The following ECHDC2 variants were observed in gnomAD, a reference collection of about 807,000 sequenced individuals.
ECHDC2 encodes the protein enoyl-CoA hydratase domain containing 2.
ECHDC2 carries 34 observed loss-of-function variants against 40.6 expected under a neutral mutation model. The observed-to-expected ratio is 0.84, with a 90% CI of 0.64 to 1.11. The LOEUF (loss-of-function observed/expected upper bound fraction) is 1.11. ECHDC2 is among the 50% of genes most tolerant of loss of function. ECHDC2 has a pLI of 0.00. For synonymous variants in ECHDC2, 162 were observed against 166.6 expected (o/e 0.97, Z 0.21); for missense variants, 392 against 400.7 (o/e 0.98, Z 0.19).
chr1:52,921,645 G>A lies in ECHDC2; in HGVS notation c.29C>T (p.Pro10Leu), dbSNP rs1291613140. The A allele has an allele frequency of 4.4e-6, 7 of 1,583,596 alleles. No individual in the cohort carries two copies. Among genetic ancestry groups the A allele is most frequent in the Middle Eastern group, 1.7e-4 (1 of 5,730 alleles). Residue 10 changes from proline (P) to leucine (L), a missense_variant, in exon 1 of 10, where the codon CCC becomes CTC. By Grantham distance (98) the Pro-to-Leu change is moderately conservative. Transcript: ENST00000371522. ...GCCGCGGGCCCGAAGGGGCCTCCAG[G>A]GGCGCAGGAGGCACAGAACGCGCAG... The part of the protein sequence containing the change: MLRVLCLLR[P>L]WRPLRARGCA...
intron 7 of ECHDC2, among the ~76,000 whole-genome samples, chr1:52,902,558 G>A (rs1647053426): frequency 1.3e-5 from 2 of 152,150 alleles, no homozygotes; most frequent in South Asian, 4.1e-4. Flanking sequence ...CCAAAGTGCT[G>A]GGATTACAGG....
At chr1:52,898,108 G>T (rs1187757746) in intron 8 of ECHDC2, 4 of 161,816 alleles carry the variant, frequency 2.5e-5, no homozygotes, top group Admixed American at 5.7e-5. Context: ...TCCAACTGTA[G>T]AAAACAGTCT....
intron 5 of ECHDC2, 188 bp from the exon 6 acceptor site, chr1:52,905,278 C>T: frequency 3.3e-6 from 2 of 607,538 alleles, no homozygotes; most frequent in Non-Finnish European, 5.8e-6. Flanking sequence ...AGCCCAGGCC[C>T]TTATTTCACC....
intron 1 of ECHDC2, among the ~76,000 whole-genome samples, chr1:52,912,455 G>A (rs1386649295): frequency 1.3e-5 from 2 of 151,898 alleles, no homozygotes; most frequent in Admixed American, 1.3e-4. Context: ...CAATCTGCCC[G>A]CCTCGGCCTC....
intron 5 of ECHDC2, chr1:52,906,103 G>A: frequency 2.9e-6 from 1 of 350,200 alleles, no homozygotes. Flanking sequence ...AAATTTGGCT[G>A]GTGCCAGTAT....
At chr1:52,921,370 G>A (rs1476613106) in intron 1 of ECHDC2, 183 bp downstream of exon 1, 3 of 1,370,716 alleles carry the variant, frequency 2.2e-6, no homozygotes, top group Non-Finnish European at 2.8e-6. Context: ...CCCAGCTAGA[G>A]TCTGGAGCCA....
In ECHDC2 at chr1:52,911,991, G is replaced by T. The variant is rs558930054; in HGVS notation, c.122-201C>A. The T allele has an allele frequency of 1.1e-5, 15 of 1,427,046 alleles. No homozygotes were observed. In the South Asian group the frequency reaches 2.3e-4, roughly 22 times the overall value. 88.4% of individuals were successfully genotyped at this position (1,427,046 alleles called of 1,614,324 possible). A position where few individuals can be genotyped will look rare whatever the true frequency, so the allele number is the denominator to read the frequency against. ...GGAGAGAAAAACCCTTGCTCTTTCT[G>T]CCTCAGAGAGAAAGTGGAAGGACTT... On this transcript the variant is annotated intron_variant, in intron 1 of 9. Transcript: ENST00000371522.
chr1:52,898,814 C>T (rs116677349), intron 8 of ECHDC2: 4,921 of 375,198 alleles, frequency 0.013, 64 homozygotes, highest in Non-Finnish European at 0.018. Flanking sequence ...TCACCCCAAG[C>T]CCTGCCCTGA....
chr1:52,911,893 T>A, intron 1 of ECHDC2, 103 bp from the exon 2 acceptor site: 1 of 1,530,700 alleles, frequency 6.5e-7, no homozygotes, highest in South Asian at 1.2e-5. Flanking sequence ...GGGGAGCCTC[T>A]GCCCTAGATG....
chr1:52,897,384 C>T (rs759632832), intron 9 of ECHDC2, 53 bp downstream of exon 9: 10 of 1,591,912 alleles, frequency 6.3e-6, no homozygotes, highest in South Asian at 1.1e-5. Context: ...CAAAGTCCCT[C>T]TAGCCTGGCC....
At position 52,905,041 on chromosome 1, in the gene ECHDC2, C is replaced by G. The variant is rs778437438; in HGVS notation, c.507G>C (p.Pro169=). The G allele has an allele frequency of 2.1e-5, 34 of 1,614,048 alleles. No homozygotes were observed. In the South Asian group the frequency reaches 2.3e-4, roughly 11 times the overall value. Residue 169 remains proline, a synonymous_variant, in exon 6 of 10, where the codon CCG becomes CCC. Coordinates refer to ENST00000371522, the MANE Select transcript of ECHDC2 (RefSeq NM_001198961.2). ...GLIETTRGLL[P]GAGGTQRLPR... ...TGCTGTAGTTGCGATTACCTGCCCCCGGGAGGAGCCCTCGCGTGGTCTCAA... is the reference window on the plus strand; with the variant it reads ...TGCTGTAGTTGCGATTACCTGCCCCGGGGAGGAGCCCTCGCGTGGTCTCAA...
intron 1 of ECHDC2, chr1:52,920,742 G>GT: frequency 2.0e-6 from 1 of 490,274 alleles, no homozygotes; most frequent in Non-Finnish European, 3.6e-6. Context: ...ATAAACTTTT[G>GT]TTAAAAAAAA....
rs764403275 is a variant in ECHDC2 at position 52,906,561 on chromosome 1, C to T, written c.415G>A (p.Gly139Arg). The change falls in exon 5 of 10, where the codon GGA becomes AGA. Residue 139 changes from glycine (G) to arginine (R), a missense_variant. Gly to Arg is a moderately radical substitution (Grantham distance 125). Transcript: ENST00000371522. Reference sequence around the variant, plus strand: ...CAGGCCAGGGCAAGCTCTAGGCCTCCGCCCAAGGCAAACCCATCCATAGCC... The same window carrying T: ...CAGGCCAGGGCAAGCTCTAGGCCTCTGCCCAAGGCAAACCCATCCATAGCC... ...IAAMDGFALG[G>R]GLELALACDL... 13 of 1,612,498 alleles carry T rather than the reference C, an allele frequency of 8.1e-6. No individual in the cohort carries two copies. Among genetic ancestry groups the T allele is most frequent in the African/African-American group, 4.0e-5 (3 of 74,932 alleles).
At chr1:52,899,784 G>A (rs1196367194) in intron 7 of ECHDC2, 2 of 158,274 alleles carry the variant, frequency 1.3e-5, no homozygotes, top group Admixed American at 1.2e-4. Flanking sequence ...CGACAGGGCT[G>A]TGTTGAAATC....
At chr1:52,903,945 G>A (rs1647175085) in intron 7 of ECHDC2, among the ~76,000 whole-genome samples, 1 of 151,724 alleles carries the variant, frequency 6.6e-6, no homozygotes, top group Non-Finnish European at 1.5e-5. Context: ...AGCCTCCTGA[G>A]TAGCTGGGAT....
rs763569585 is a variant in ECHDC2, at chr1:52,904,716, AC to A, written c.631del (p.Val211TrpfsTer34). ...GGCGTCCCCCTCCTCGTTCTGGGCC[AC>A]AGCGTGATTCACCAGCCCCAGTACG... ...AHVLGLVNHA[V>X]AQNEEGDAAY... On this transcript the variant is annotated frameshift_variant, in exon 7 of 10. Coordinates refer to ENST00000371522, the MANE Select transcript of ECHDC2 (RefSeq NM_001198961.2). LOFTEE classifies it high-confidence loss of function. The A allele has an allele frequency of 9.3e-6, 15 of 1,612,734 alleles. No homozygotes were observed. The East Asian group carries it at 2.9e-4, about 31-fold the overall frequency.
chr1:52,898,247 G>A (rs1249571915), intron 8 of ECHDC2: 2 of 152,406 alleles, frequency 1.3e-5, no homozygotes, highest in Non-Finnish European at 2.9e-5. Flanking sequence ...TTGAGACGGA[G>A]TCTCGCTCTG....
chr1:52,901,577 G>C (rs1416132569), intron 7 of ECHDC2: 1 of 151,836 alleles, frequency 6.6e-6, no homozygotes, highest in Non-Finnish European at 1.5e-5. Context: ...ACTAGATGGT[G>C]GCCATCTACA....
chr1:52,911,636 G>A lies in ECHDC2; in HGVS notation c.207C>T (p.Ala69=), dbSNP rs764902748. The change falls in exon 3 of 10, where the codon GCC becomes GCT. Residue 69 remains alanine (A), a synonymous_variant. Coordinates refer to ENST00000371522, the MANE Select transcript of ECHDC2 (RefSeq NM_001198961.2). ...GCACTTGCCGGTCCTCCCGCAGCTG[G>A]GCCAGAGTTTCCAGCAGCTACAGAG... ...VFVSELLETL[A]QLREDRQVRV... is the part of the protein sequence containing the mutation. 2 of 1,614,138 alleles carry A rather than the reference G, an allele frequency of 1.2e-6. No individual in the cohort carries two copies. The highest frequency in any genetic ancestry group is 2.2e-5 in the South Asian group (2 of 91,082).
Sources: allele counts gnomAD v4.1 joint callset (sites outside exome capture counted in the v4.1 genomes callset), GRCh38; gene constraint gnomAD v4.1.1; transcripts MANE v1.5; gene names NCBI Gene and HGNC (gene_info 2026-07-23, HGNC 2026-07-21).